The following HTR4 variants were observed in gnomAD, a reference collection of about 807,000 sequenced individuals.
HTR4 encodes 5-hydroxytryptamine receptor 4.
A neutral mutation model predicts 36.8 loss-of-function variants in HTR4; 16 were observed. That is an observed-to-expected ratio of 0.43 (90% CI 0.29 to 0.66). The LOEUF (loss-of-function observed/expected upper bound fraction) is 0.66. Among genes scored for constraint, HTR4 ranks in the 30% least tolerant of loss-of-function variants. HTR4 has a pLI of 0.13. For synonymous variants in HTR4, 189 were observed against 185.1 expected, an observed-to-expected ratio of 1.02 and a Z score of -0.17; for missense variants, 438 against 490.9, an observed-to-expected ratio of 0.89 and a Z score of 1.02.
At chr5:148,549,470 C>G (rs1249291076) in intron 3 of HTR4, among the ~76,000 whole-genome samples, 1 of 152,150 alleles carries the variant, frequency 6.6e-6, no homozygotes, top group Non-Finnish European at 1.5e-5. Flanking sequence ...GGCCCAGAGG[C>G]TCTCATCCCA....
At chr5:148,602,498 T>C (rs1053212815) in intron 2 of HTR4, among the ~76,000 whole-genome samples, 2 of 152,208 alleles carry the variant, frequency 1.3e-5, no homozygotes, top group Non-Finnish European at 2.9e-5. Context: ...GTGGGAAATT[T>C]ATAACCTTAA....
chr5:148,651,511 T>G (rs55899027), intron 1 of HTR4, among the ~76,000 whole-genome samples: 29,511 of 151,252 alleles, frequency 0.2, 3,447 homozygotes, highest in East Asian at 0.4. Flanking sequence ...CATTTAGCAA[T>G]GCCTAGAGAA....
chr5:148,482,555 G>A lies in HTR4; in HGVS notation c.*648C>T. The A allele has an allele frequency of 1.0e-6, 1 of 986,108 alleles. No homozygotes were observed. The highest frequency in any genetic ancestry group is 1.7e-5 in the African/African-American group (1 of 57,344). The allele number at this position is 986,108 out of a possible 1,614,324, so 61.1% of individuals were successfully genotyped here. On this transcript the variant is annotated 3_prime_UTR_variant, in exon 7 of 7. Transcript: ENST00000377888. ...AAATGGAGCATGTCCTGAAGAGGAG[G>A]ACAGACATTGGACATAAGGAAGAGC...
intron 2 of HTR4, among the ~76,000 whole-genome samples, chr5:148,567,070 C>A (rs1298978099): frequency 6.6e-6 from 1 of 152,042 alleles, no homozygotes; most frequent in Non-Finnish European, 1.5e-5. Context: ...ATTAAACTTA[C>A]TAATTGGCGT....
chr5:148,478,383 G>C (rs1018322975), downstream of HTR4, among the ~76,000 whole-genome samples: 13 of 152,146 alleles, frequency 8.5e-5, no homozygotes, highest in Non-Finnish European at 1.8e-4. Flanking sequence ...TCTGGTAGCA[G>C]GTACTTCACA....
downstream of HTR4, among the ~76,000 whole-genome samples, chr5:148,479,146 G>T (rs1755797633): frequency 6.6e-6 from 1 of 152,100 alleles, no homozygotes; most frequent in Non-Finnish European, 1.5e-5. Context: ...CCCATCCTCT[G>T]CTCATTAGGT....
At chr5:148,632,460 C>T (rs1008789287) in intron 2 of HTR4, among the ~76,000 whole-genome samples, 3 of 152,226 alleles carry the variant, frequency 2.0e-5, no homozygotes, top group African/African-American at 7.2e-5. Context: ...CCAGGGACTG[C>T]AGGGTCAGTG....
In HTR4 at chr5:148,526,306, T is replaced by C. The variant is rs184135520; in HGVS notation, c.354-2960A>G. Among the ~76,000 whole-genome samples the C allele has an allele frequency of 1.1e-3, 163 of 152,348 alleles. 1 individual carries two copies. The highest frequency in any genetic ancestry group is 3.7e-3 in the African/African-American group (153 of 41,586). The stretch of plus-strand genomic sequence containing the variant: ...AATGCCAGATATATCTTTCATAGTA[T>C]ACTTAAGTAAGAATATCTTTTGTTT... On this transcript the variant is annotated intron_variant, in intron 4 of 6. Coordinates refer to ENST00000377888, the MANE Select transcript of HTR4 (RefSeq NM_000870.7).
At chr5:148,507,780 A>C (rs1367994973) in intron 6 of HTR4, among the ~76,000 whole-genome samples, 1 of 152,164 alleles carries the variant, frequency 6.6e-6, no homozygotes, top group African/African-American at 2.4e-5. Flanking sequence ...TCAACTGCTA[A>C]ACAACTGACT....
Position 148,528,089 on chromosome 5 carries a change from A to G in HTR4, c.354-4743T>C, listed in dbSNP as rs186903725. Among the ~76,000 whole-genome samples, 259 of 152,340 alleles carry G rather than the reference A, an allele frequency of 1.7e-3. 2 individuals carry two copies. The highest frequency in any genetic ancestry group is 0.01 in the Middle Eastern group (3 of 294). On this transcript the variant is annotated intron_variant, in intron 4 of 6. Transcript: ENST00000377888. ...CTAGGGTGGTTAGGCAAGGGTGGGAAGAATCCTTTATCTCCTTTTTTAAAA... is the reference window on the plus strand; with the variant it reads ...CTAGGGTGGTTAGGCAAGGGTGGGAGGAATCCTTTATCTCCTTTTTTAAAA...
At chr5:148,460,349 T>C (rs1289891229) in intron 5 of HTR4, among the ~76,000 whole-genome samples, 2 of 152,086 alleles carry the variant, frequency 1.3e-5, no homozygotes, top group Non-Finnish European at 2.9e-5. Flanking sequence ...AGGCATTTCA[T>C]TTTCCAACTA....
chr5:148,477,124 C>T (rs2113710273), downstream of HTR4, among the ~76,000 whole-genome samples: 1 of 152,052 alleles, frequency 6.6e-6, no homozygotes, highest in South Asian at 2.1e-4. Flanking sequence ...GCCTAATTCC[C>T]CAATCCAGAT....
At chr5:148,523,421 G>A (rs1055672273) in intron 4 of HTR4, 75 bp from the exon 5 acceptor site, 93 of 1,255,268 alleles carry the variant, frequency 7.4e-5, no homozygotes, top group Non-Finnish European at 9.4e-5. Context: ...GAATATATGA[G>A]AGAGAAAAGG....
chr5:148,465,879 G>A (rs552398131), intron 5 of HTR4: 15 of 1,613,326 alleles, frequency 9.3e-6, no homozygotes, highest in African/African-American at 5.3e-5. Flanking sequence ...ACAGGAACTG[G>A]TCTATTGCAG....
chr5:148,532,547 A>G (rs1272129040), intron 4 of HTR4, among the ~76,000 whole-genome samples: 1 of 152,218 alleles, frequency 6.6e-6, no homozygotes, highest in East Asian at 1.9e-4. Flanking sequence ...TTTCTTCAAT[A>G]GCGGTTTTTT....
chr5:148,624,778 A>G (rs1387054983), intron 2 of HTR4, among the ~76,000 whole-genome samples: 1 of 152,156 alleles, frequency 6.6e-6, no homozygotes, highest in African/African-American at 2.4e-5. Context: ...ATTAATATCC[A>G]CTGGGCACAA....
rs1561558714 is a variant in HTR4 at position 148,458,003 on chromosome 5, GAT to G, written c.1077-6733_1077-6732del. ...TAATGATATATTTAATATATCTTAA[GAT>G]ATATTAAATATTAAATTAAGATATA... On this transcript the variant is annotated intron_variant, in intron 5 of 5. Coordinates refer to the HTR4 transcript ENST00000521530. Among the ~76,000 whole-genome samples, 27 of 126,828 alleles carry G rather than the reference GAT, an allele frequency of 2.1e-4. 1 individual carries two copies. In the South Asian group the frequency reaches 6.4e-3, roughly 30 times the overall value. The allele number at this position is 126,828 out of a possible 152,430, so 83.2% of individuals were successfully genotyped here.
intron 2 of HTR4, among the ~76,000 whole-genome samples, chr5:148,568,697 T>C (rs545928377): frequency 2.6e-5 from 4 of 152,150 alleles, no homozygotes; most frequent in Non-Finnish European, 5.9e-5. Flanking sequence ...GAAAGCATAC[T>C]CTCAGGACTG....
intron 5 of HTR4, among the ~76,000 whole-genome samples, chr5:148,511,967 G>T (rs188788900): frequency 6.6e-6 from 1 of 152,252 alleles, no homozygotes; most frequent in African/African-American, 2.4e-5. Flanking sequence ...TTACTGAAAA[G>T]TGTCCTGGGC....
Sources: gnomAD v4.1 joint callset for allele counts (sites outside exome capture counted in the v4.1 genomes callset) on GRCh38, gnomAD v4.1.1 for gene constraint, MANE v1.5 for transcripts, NCBI Gene and HGNC (gene_info 2026-07-23, HGNC 2026-07-21) for gene names.